PATJ: variants seen among roughly 807,000 people sequenced by gnomAD.
The protein encoded by PATJ is inaD-like protein.
A neutral mutation model predicts 224.9 loss-of-function variants in PATJ; 190 were observed. The ratio of observed to expected loss-of-function variants is 0.84; its 90% CI spans 0.75 to 0.95. PATJ has a LOEUF of 0.95. PATJ is among the 40% of genes least tolerant of loss of function. The pLI, the probability that PATJ is intolerant of heterozygous loss-of-function variation, is 0.00. For missense variants in PATJ, 2,121 were observed against 2,270.3 expected, an observed-to-expected ratio of 0.93 and a Z score of 1.34; for synonymous variants, 769 against 820.3, an observed-to-expected ratio of 0.94 and a Z score of 1.07.
At chr1:62,106,868 A>G (rs544046070) in intron 33 of PATJ, among the ~76,000 whole-genome samples, 2 of 152,242 alleles carry the variant, frequency 1.3e-5, no homozygotes, top group East Asian at 1.9e-4. Context: ...AGTGTCAAAG[A>G]TGTCAGCCCT....
At chr1:62,159,465 T>C (rs1433377318) in intron 43 of PATJ, among the ~76,000 whole-genome samples, 1 of 152,204 alleles carries the variant, frequency 6.6e-6, no homozygotes, top group Non-Finnish European at 1.5e-5. Context: ...GTGCTGGGAT[T>C]ACAGGCATGA....
In PATJ at chr1:61,789,533, C is replaced by G. The variant is rs78590113; in HGVS notation, c.1068+1561C>G. On this transcript the variant is annotated intron_variant, in intron 8 of 43. Transcript: ENST00000642238. ...CAGAACCTTTAAAAAGTTTCTCCAG[C>G]CGGTCTTGGTGGCTCATGCCTGTAA... 2.2e-3 allele frequency among the ~76,000 whole-genome samples: 330 copies of G among 151,856 alleles called. 3 individuals carry two copies. The highest frequency in any genetic ancestry group is 7.6e-3 in the African/African-American group (315 of 41,396).
chr1:62,150,444 A>C (rs973973690), intron 42 of PATJ, among the ~76,000 whole-genome samples: 5 of 152,130 alleles, frequency 3.3e-5, no homozygotes, highest in African/African-American at 9.7e-5. Flanking sequence ...GAAACCATGG[A>C]TATGGGGCAT....
Position 61,871,413 on chromosome 1 carries a change from A to G in PATJ, c.2836-3830A>G, listed in dbSNP as rs1472056098. ...TATATATATATATGTGTATATATAT[A>G]CATATATATGTACATATATATGTGT... On this transcript the variant is annotated intron_variant, in intron 20 of 43. Coordinates refer to ENST00000642238, the MANE Select transcript of PATJ (RefSeq NM_001350145.3). 2.5e-4 allele frequency among the ~76,000 whole-genome samples: 32 copies of G among 128,816 alleles called. 2 individuals are homozygous for G. Among genetic ancestry groups the G allele is most frequent in the Admixed American group, 8.9e-4 (11 of 12,374 alleles). 84.5% of individuals were successfully genotyped at this position (128,816 alleles called of 152,430 possible).
In PATJ at chr1:61,812,431, A is replaced by T. The variant is rs916297605; in HGVS notation, c.1683+3901A>T. On this transcript the variant is annotated intron_variant, in intron 14 of 43. Coordinates refer to ENST00000642238, the MANE Select transcript of PATJ (RefSeq NM_001350145.3). ...CTGAGAGAGAGAGAGAGAGAGAGAGAGAGTGTGTGTGTGTGTGTGTGTGTG... is the reference window on the plus strand; with the variant it reads ...CTGAGAGAGAGAGAGAGAGAGAGAGTGAGTGTGTGTGTGTGTGTGTGTGTG... 3.4e-3 allele frequency among the ~76,000 whole-genome samples: 375 copies of T among 109,028 alleles called. 2 individuals carry two copies. The highest frequency in any genetic ancestry group is 8.6e-3 in the Middle Eastern group (2 of 232). 71.5% of individuals were successfully genotyped at this position (109,028 alleles called of 152,430 possible). A position where few individuals can be genotyped will look rare whatever the true frequency, so the allele number is the denominator to read the frequency against.
Position 62,091,920 on chromosome 1 carries a change from G to T in PATJ, c.4377+7272G>T, listed in dbSNP as rs527447158. Among the ~76,000 whole-genome samples the T allele has an allele frequency of 1.1e-4, 16 of 152,166 alleles. 1 individual carries two copies. Among genetic ancestry groups the T allele is most frequent in the Admixed American group, 1.0e-3 (16 of 15,292 alleles). ...AAAATACAAAAATTAGCTGAGCATG[G>T]TGGCACGTGGCTATAGTCCCAGCTA... On this transcript the variant is annotated intron_variant, in intron 33 of 43. Transcript: ENST00000642238.
Position 62,116,492 on chromosome 1 carries a change from T to C in PATJ, c.4656-40T>C, listed in dbSNP as rs202204173. The stretch of plus-strand genomic sequence containing the variant: ...ACACACGTATTATGCATGGAAATAT[T>C]AGGTTGTGCCAATACTGCACTGCTG... On this transcript the variant is annotated intron_variant, in intron 35 of 43. Transcript: ENST00000642238. 68 of 1,608,156 alleles carry C rather than the reference T, an allele frequency of 4.2e-5. 1 individual carries two copies. The highest frequency in any genetic ancestry group is 4.1e-4 in the South Asian group (37 of 89,792).
chr1:61,854,215 CT>C (rs1391915889), intron 17 of PATJ, among the ~76,000 whole-genome samples: 3 of 152,172 alleles, frequency 2.0e-5, no homozygotes, highest in Non-Finnish European at 4.4e-5. Flanking sequence ...CACAGAAAAC[CT>C]AGCAGTTTTT....
intron 21 of PATJ, among the ~76,000 whole-genome samples, chr1:61,882,796 G>A (rs1360140409): frequency 1.3e-5 from 2 of 152,114 alleles, no homozygotes; most frequent in Non-Finnish European, 2.9e-5. Context: ...AATTCTTGGG[G>A]CTCAAGGAGT....
In PATJ at chr1:62,161,331, C is replaced by CTTTTTTTTTTTTTTTTTTTTTTTTTTT. The variant is rs557464862; in HGVS notation, c.*302_*303insTTTTTTTTTTTTTTTTTTTTTTTTTTT. The CTTTTTTTTTTTTTTTTTTTTTTTTTTT allele has an allele frequency of 1.1e-5, 1 of 92,682 alleles. No individual in the cohort carries two copies. The highest frequency in any genetic ancestry group is 2.0e-5 in the Non-Finnish European group (1 of 50,196). 5.7% of individuals were successfully genotyped at this position (92,682 alleles called of 1,614,324 possible). A position where few individuals can be genotyped will look rare whatever the true frequency, so the allele number is the denominator to read the frequency against. The stretch of plus-strand genomic sequence containing the variant: ...GCATTTAATTTCAGTGTTCCGATTT[C>CTTTTTTTTTTTTTTTTTTTTTTTTTTT]TTTTTTTTTTTTTTTTTTTTTTTTT... On this transcript the variant is annotated 3_prime_UTR_variant, in exon 44 of 44. Coordinates refer to ENST00000642238, the MANE Select transcript of PATJ (RefSeq NM_001350145.3).
chr1:62,032,058 G>T (rs1649419537), intron 29 of PATJ, among the ~76,000 whole-genome samples: 1 of 152,080 alleles, frequency 6.6e-6, no homozygotes, highest in Admixed American at 6.5e-5. Flanking sequence ...TCACAGTTGT[G>T]TAGGTCAGAA....
chr1:62,036,904 AGG>A (rs1558075104), intron 29 of PATJ, among the ~76,000 whole-genome samples: 47 of 143,110 alleles, frequency 3.3e-4, no homozygotes, highest in Admixed American at 1.1e-3. Context: ...GAAGGAAGGG[AGG>A]GAGGGAGGAA....
chr1:62,018,002 T>C lies in PATJ; in HGVS notation c.3959+55T>C, dbSNP rs115637944. 3.3e-3 allele frequency: 3,091 copies of C among 933,912 alleles called. 69 individuals carry two copies. In the African/African-American group the frequency reaches 0.043, roughly 13 times the overall value. The allele number at this position is 933,912 out of a possible 1,614,324, so 57.9% of individuals were successfully genotyped here. A position where few individuals can be genotyped will look rare whatever the true frequency, so the allele number is the denominator to read the frequency against. The stretch of plus-strand genomic sequence containing the variant: ...TCAAAGACCTCTTCTGAAGATGTTA[T>C]TAGTGTAAGACTATGTCATCTTTGA... On this transcript the variant is annotated intron_variant, in intron 29 of 43. Coordinates refer to ENST00000642238, the MANE Select transcript of PATJ (RefSeq NM_001350145.3). This position sits in a 1 kb window ranked among gnomAD's most constrained non-coding sequence, Gnocchi z 4.2.
At chr1:61,967,752 T>A (rs988441316) in intron 27 of PATJ, among the ~76,000 whole-genome samples, 1 of 152,252 alleles carries the variant, frequency 6.6e-6, no homozygotes, top group Non-Finnish European at 1.5e-5. Flanking sequence ...GATTTTGGAT[T>A]AATCTTAAAT....
chr1:61,875,262 T>C lies in PATJ; in HGVS notation c.2855T>C (p.Met952Thr). 6.3e-7 allele frequency: 1 copy of C among 1,596,398 alleles called. No homozygotes were observed. Among genetic ancestry groups the C allele is most frequent in the Non-Finnish European group, 8.5e-7 (1 of 1,170,040 alleles). Residue 952 changes from methionine to threonine, a missense_variant, in exon 21 of 44, where the codon ATG becomes ACG. Coordinates refer to ENST00000642238, the MANE Select transcript of PATJ (RefSeq NM_001350145.3). ...CTCAAGATGAAAGAAAATTTTGTCA[T>C]GGAGTCCCTACCATCTGTACCATCA... ...PENVMKENFVMESLPSVPSTE... is the reference protein window; with the variant it reads ...PENVMKENFVTESLPSVPSTE...
chr1:61,941,013 T>C (rs913286801), intron 27 of PATJ, among the ~76,000 whole-genome samples: 2 of 152,180 alleles, frequency 1.3e-5, no homozygotes, highest in Non-Finnish European at 2.9e-5. Context: ...TCTTACTCTT[T>C]ATTTTCCCTG....
chr1:61,808,760 A>G (rs1654094189), intron 14 of PATJ, among the ~76,000 whole-genome samples: 1 of 152,140 alleles, frequency 6.6e-6, no homozygotes, highest in African/African-American at 2.4e-5. Flanking sequence ...TGTGACCTAA[A>G]GTTTCCAGAA....
intron 42 of PATJ, among the ~76,000 whole-genome samples, chr1:62,153,076 G>A (rs10889292): frequency 0.18 from 27,871 of 152,016 alleles, 4,043 homozygotes; most frequent in East Asian, 0.64. Flanking sequence ...ATATAGAAGA[G>A]TGCTTTGACA....
intron 41 of PATJ, among the ~76,000 whole-genome samples, chr1:62,143,255 A>G (rs528373995): frequency 2.0e-5 from 3 of 152,230 alleles, no homozygotes; most frequent in East Asian, 3.9e-4. Flanking sequence ...TTCACCCAGT[A>G]TATTTCTAAC....
Sources: gnomAD v4.1 joint callset for allele counts (sites outside exome capture counted in the v4.1 genomes callset) on GRCh38, gnomAD v4.1.1 for gene constraint, Gnocchi (gnomAD v3.1) non-coding constraint, MANE v1.5 for transcripts, NCBI Gene and HGNC (gene_info 2026-07-23, HGNC 2026-07-21) for gene names.